The following ITGAV variants were observed in gnomAD, a reference collection of about 807,000 sequenced individuals.
The protein encoded by ITGAV is integrin alpha-V.
In ITGAV, 76 loss-of-function variants were observed where a neutral mutation model predicts 143.8. That is an observed-to-expected ratio of 0.53 (90% CI 0.44 to 0.64). The LOEUF (loss-of-function observed/expected upper bound fraction) is 0.64. Ranked by LOEUF, ITGAV falls within the 30% of genes least tolerant of loss-of-function variation. The pLI is 0.00. For synonymous variants in ITGAV, 453 were observed against 446.7 expected (o/e 1.01, Z -0.18); for missense variants, 1,193 against 1,274.7 (o/e 0.94, Z 0.98).
chr2:186,669,007 A>T, intron 25 of ITGAV, 87 bp downstream of exon 25: 1 of 1,245,694 alleles, frequency 8.0e-7, no homozygotes, highest in Non-Finnish European at 1.1e-6. Context: ...AAAATAAAAC[A>T]ACTATTTTAA....
chr2:186,601,798 A>C (rs1686913981), intron 1 of ITGAV, among the ~76,000 whole-genome samples: 1 of 152,212 alleles, frequency 6.6e-6, no homozygotes, highest in Non-Finnish European at 1.5e-5. Flanking sequence ...TGTAACCCTG[A>C]ACTTGCCTTA....
At chr2:186,672,391 A>C (rs1312408017) in intron 26 of ITGAV, among the ~76,000 whole-genome samples, 2 of 152,164 alleles carry the variant, frequency 1.3e-5, no homozygotes, top group South Asian at 2.1e-4. Flanking sequence ...TTGATGCATA[A>C]ATTTCCATGT....
At chr2:186,672,175 C>A (rs996564029) in intron 26 of ITGAV, among the ~76,000 whole-genome samples, 1 of 152,030 alleles carries the variant, frequency 6.6e-6, no homozygotes, top group Non-Finnish European at 1.5e-5. Context: ...GATGCTTGAT[C>A]TCCTGACCTC....
At position 186,678,651 on chromosome 2, in the gene ITGAV, A is replaced by G. The variant is rs922411454; in HGVS notation, c.*1359A>G. The G allele has an allele frequency of 8.9e-6, 4 of 447,680 alleles. No individual in the cohort carries two copies. The highest frequency in any genetic ancestry group is 1.3e-5 in the Non-Finnish European group (3 of 223,406). 27.7% of individuals were successfully genotyped at this position (447,680 alleles called of 1,614,324 possible). On this transcript the variant is annotated 3_prime_UTR_variant, in exon 30 of 30. Transcript: ENST00000261023. ...AAGTTGTAGTTTTATATGGCTCTGT[A>G]GAGTGGTGAACCTTCTAGAGGAATA...
At chr2:186,606,523 G>A (rs539194511) in intron 2 of ITGAV, among the ~76,000 whole-genome samples, 2 of 152,268 alleles carry the variant, frequency 1.3e-5, no homozygotes, top group South Asian at 4.1e-4. Flanking sequence ...GCTGTTTCAT[G>A]TCGCTATTCC....
chr2:186,630,188 A>G (rs1383127799), intron 4 of ITGAV, among the ~76,000 whole-genome samples: 2 of 152,054 alleles, frequency 1.3e-5, no homozygotes, highest in Admixed American at 1.3e-4. Flanking sequence ...TGGCTCTATA[A>G]TGTATGTATC....
At chr2:186,661,302 C>G in intron 18 of ITGAV, among the ~76,000 whole-genome samples, 1 of 152,146 alleles carries the variant, frequency 6.6e-6, no homozygotes, top group East Asian at 1.9e-4. Flanking sequence ...TCAAGTTGTT[C>G]TAAACATACT....
At chr2:186,621,148 T>C (rs759278173) in intron 2 of ITGAV, among the ~76,000 whole-genome samples, 1 of 152,308 alleles carries the variant, frequency 6.6e-6, no homozygotes, top group Non-Finnish European at 1.5e-5. Context: ...GGTAAGAAGG[T>C]ACCATTGGTC....
At chr2:186,619,453 A>G (rs1205042559) in intron 2 of ITGAV, among the ~76,000 whole-genome samples, 1 of 152,170 alleles carries the variant, frequency 6.6e-6, no homozygotes, top group Non-Finnish European at 1.5e-5. Context: ...AATTACAGCT[A>G]GACAGGAGGA....
intron 18 of ITGAV, among the ~76,000 whole-genome samples, chr2:186,661,953 T>C (rs1688759834): frequency 6.6e-6 from 1 of 152,170 alleles, no homozygotes; most frequent in African/African-American, 2.4e-5. Flanking sequence ...CTGTAGAGAC[T>C]TGGTTTTCTG....
At position 186,676,873 on chromosome 2, in the gene ITGAV, A is replaced by C; in HGVS notation, c.2989A>C (p.Ile997Leu). The C allele has an allele frequency of 6.2e-7, 1 of 1,614,016 alleles. No individual in the cohort carries two copies. Residue 997 changes from isoleucine to leucine, a missense_variant, in exon 29 of 30, where the codon ATC becomes CTC. Coordinates refer to ENST00000261023, the MANE Select transcript of ITGAV (RefSeq NM_002210.5). ...GCCCATGCCTGTGCCTGTGTGGGTG[A>C]TCATTTTAGCAGTTCTAGCAGGATT... ...PAPMPVPVWV[I>L]ILAVLAGLLL...
chr2:186,675,435 C>A (rs1392422157), intron 26 of ITGAV, among the ~76,000 whole-genome samples, 169 bp from the exon 27 acceptor site: 1 of 152,104 alleles, frequency 6.6e-6, no homozygotes, highest in East Asian at 1.9e-4. Context: ...AACCCCTTCA[C>A]AATAAAAAGC....
chr2:186,636,904 A>G (rs1687959489), intron 7 of ITGAV, among the ~76,000 whole-genome samples, 161 bp from the exon 8 acceptor site: 1 of 152,210 alleles, frequency 6.6e-6, no homozygotes. Flanking sequence ...TTCATTTAAA[A>G]TTCATATGTC....
intron 1 of ITGAV, among the ~76,000 whole-genome samples, chr2:186,596,315 A>T (rs940236432): frequency 1.3e-5 from 2 of 151,800 alleles, no homozygotes; most frequent in Non-Finnish European, 2.9e-5. Flanking sequence ...GATCACAAAC[A>T]TTTTTTTTCT....
chr2:186,656,085 TTAA>T lies in ITGAV; in HGVS notation c.1565-159_1565-157del, dbSNP rs1300541529. Among the ~76,000 whole-genome samples the T allele has an allele frequency of 8.5e-5, 13 of 152,244 alleles. No individual in the cohort carries two copies. In the South Asian group the frequency reaches 2.7e-3, roughly 32 times the overall value. ...ATTATTATTAAATATTTTTTCAGAATTAATATGTTGTAGTCTCATTACAATGTA... is the reference window on the plus strand; with the variant it reads ...ATTATTATTAAATATTTTTTCAGAATTATGTTGTAGTCTCATTACAATGTA... On this transcript the variant is annotated intron_variant, in intron 16 of 29. Coordinates refer to ENST00000261023, the MANE Select transcript of ITGAV (RefSeq NM_002210.5).
chr2:186,657,471 G>T (rs1688623250), intron 17 of ITGAV, among the ~76,000 whole-genome samples: 1 of 152,142 alleles, frequency 6.6e-6, no homozygotes, highest in African/African-American at 2.4e-5. Context: ...TGGGAAGTGT[G>T]ATTTTTAAAT....
At chr2:186,673,989 G>T (rs1414313183) in intron 26 of ITGAV, among the ~76,000 whole-genome samples, 1 of 151,892 alleles carries the variant, frequency 6.6e-6, no homozygotes, top group African/African-American at 2.4e-5. Context: ...TTTTTATTTT[G>T]TAGAGACAGG....
intron 18 of ITGAV, among the ~76,000 whole-genome samples, chr2:186,663,224 T>C (rs1046847172): frequency 3.9e-5 from 6 of 152,160 alleles, no homozygotes; most frequent in African/African-American, 1.4e-4. Flanking sequence ...GACCATGCAA[T>C]GCTGGACTCA....
chr2:186,636,141 A>G lies in ITGAV; in HGVS notation c.691A>G (p.Ser231Gly). The G allele has an allele frequency of 6.2e-7, 1 of 1,613,474 alleles. No individual in the cohort carries two copies. Among genetic ancestry groups the G allele is most frequent in the Non-Finnish European group, 8.5e-7 (1 of 1,179,654 alleles). The change falls in exon 7 of 30, where the codon AGC becomes GGC. Residue 231 changes from serine to glycine, a missense_variant. Ser to Gly is a moderately conservative substitution (Grantham distance 56). Transcript: ENST00000261023. Reference sequence around the variant, plus strand: ...ATCTAAATACGACCCCAATGTTTACAGCATCAAGTATAATAACCAATTAGC... The same window carrying G: ...ATCTAAATACGACCCCAATGTTTACGGCATCAAGTATAATAACCAATTAGC... ...IVSKYDPNVY[S>G]IKYNNQLATR...
Sources: allele counts gnomAD v4.1 joint callset (sites outside exome capture counted in the v4.1 genomes callset), GRCh38; gene constraint gnomAD v4.1.1; transcripts MANE v1.5; gene names NCBI Gene and HGNC (gene_info 2026-07-23, HGNC 2026-07-21).